LYPD6: variants seen among roughly 807,000 people sequenced by gnomAD.
The protein encoded by LYPD6 is ly6/PLAUR domain-containing protein 6.
LYPD6 carries 15 observed loss-of-function variants against 22.7 expected under a neutral mutation model. The observed-to-expected ratio is 0.66, with a 90% CI of 0.44 to 1.02. The LOEUF (loss-of-function observed/expected upper bound fraction) is 1.02, where lower values mean the gene tolerates loss of function less well. Ranked by LOEUF, LYPD6 falls within the 50% of genes least tolerant of loss-of-function variation. The probability of loss-of-function intolerance (pLI) is 0.00; values close to 1 mark genes in which losing one functional copy is unlikely to be tolerated. For synonymous variants in LYPD6, 72 were observed against 77.5 expected, an observed-to-expected ratio of 0.93 and a Z score of 0.37; for missense variants, 189 against 208.4, an observed-to-expected ratio of 0.91 and a Z score of 0.57.
intron 1 of LYPD6, among the ~76,000 whole-genome samples, chr2:149,422,449 A>G (rs1683101698): frequency 6.6e-6 from 1 of 152,132 alleles, no homozygotes; most frequent in Admixed American, 6.5e-5. Flanking sequence ...TCTGGAGCCC[A>G]GCACTTCATG....
At chr2:149,395,386 T>G (rs1001513608) in intron 1 of LYPD6, among the ~76,000 whole-genome samples, 5 of 152,208 alleles carry the variant, frequency 3.3e-5, no homozygotes, top group African/African-American at 1.2e-4. Flanking sequence ...ATATCCACAT[T>G]AAAAATTTTG....
intron 1 of LYPD6, among the ~76,000 whole-genome samples, chr2:149,336,943 G>A (rs984796971): frequency 8.6e-5 from 13 of 151,952 alleles, no homozygotes; most frequent in Non-Finnish European, 1.6e-4. Flanking sequence ...GTGTGTGTGT[G>A]TGTGTGTGTG....
At chr2:149,452,765 T>C (rs899194344) in intron 3 of LYPD6, among the ~76,000 whole-genome samples, 2 of 152,234 alleles carry the variant, frequency 1.3e-5, no homozygotes, top group Admixed American at 6.5e-5. Flanking sequence ...ATAGTGTATC[T>C]TAGCGACTGA....
At chr2:149,421,755 T>C (rs1317043075) in intron 1 of LYPD6, among the ~76,000 whole-genome samples, 1 of 152,194 alleles carries the variant, frequency 6.6e-6, no homozygotes, top group African/African-American at 2.4e-5. Flanking sequence ...ATATCAGTTT[T>C]CTGTCTGTAT....
intron 3 of LYPD6, among the ~76,000 whole-genome samples, chr2:149,449,357 G>A (rs1023748264): frequency 1.3e-5 from 2 of 152,190 alleles, no homozygotes; most frequent in Admixed American, 1.3e-4. Context: ...TTCTCATGAA[G>A]TATTTTTGGC....
chr2:149,460,504 G>A (rs1411578752), intron 3 of LYPD6, among the ~76,000 whole-genome samples: 2 of 151,884 alleles, frequency 1.3e-5, no homozygotes, highest in Non-Finnish European at 2.9e-5. Context: ...ATAATATAAA[G>A]GAAAGGAGGA....
At chr2:149,415,681 C>T (rs1285074647) in intron 1 of LYPD6, among the ~76,000 whole-genome samples, 2 of 151,842 alleles carry the variant, frequency 1.3e-5, no homozygotes, top group Non-Finnish European at 2.9e-5. Flanking sequence ...TTCTTTTTTT[C>T]TTGGAGACAG....
intron 1 of LYPD6, among the ~76,000 whole-genome samples, chr2:149,416,208 TCTC>T (rs749633617): frequency 5.9e-5 from 9 of 152,252 alleles, no homozygotes; most frequent in East Asian, 1.9e-4. Flanking sequence ...GTACTCATCT[TCTC>T]CTTCCTGAGC....
At chr2:149,342,831 A>G (rs1681187476) in intron 1 of LYPD6, among the ~76,000 whole-genome samples, 1 of 152,204 alleles carries the variant, frequency 6.6e-6, no homozygotes, top group Non-Finnish European at 1.5e-5. Context: ...CAGTCCTGAT[A>G]AATGACTCAG....
At chr2:149,425,970 G>T (rs1248683785) in intron 1 of LYPD6, among the ~76,000 whole-genome samples, 1 of 152,192 alleles carries the variant, frequency 6.6e-6, no homozygotes, top group Non-Finnish European at 1.5e-5. Context: ...CACAGATTTG[G>T]AGGATATGTA....
intron 1 of LYPD6, among the ~76,000 whole-genome samples, chr2:149,345,163 A>G (rs1231503131): frequency 3.3e-5 from 5 of 152,292 alleles, no homozygotes; most frequent in African/African-American, 1.2e-4. Context: ...ACTATTTTTC[A>G]TATACTTATT....
At chr2:149,364,631 CT>C (rs1158087279) in intron 1 of LYPD6, among the ~76,000 whole-genome samples, 13 of 151,594 alleles carry the variant, frequency 8.6e-5, no homozygotes. Context: ...GAGGGGCATC[CT>C]TTTGGATACA....
At chr2:149,445,309 A>T (rs1683663366) in intron 2 of LYPD6, among the ~76,000 whole-genome samples, 1 of 152,248 alleles carries the variant, frequency 6.6e-6, no homozygotes, top group Non-Finnish European at 1.5e-5. Flanking sequence ...TAAAGTCTCA[A>T]GGATTTTAAG....
chr2:149,337,443 T>G (rs1681057248), intron 1 of LYPD6, among the ~76,000 whole-genome samples: 1 of 152,098 alleles, frequency 6.6e-6, no homozygotes, highest in Non-Finnish European at 1.5e-5. Flanking sequence ...TATTCTCAAG[T>G]TTTGATCCAG....
chr2:149,464,565 A>G (rs1160678367), intron 3 of LYPD6: 2 of 154,804 alleles, frequency 1.3e-5, no homozygotes, highest in Non-Finnish European at 2.9e-5. Context: ...CAGTTACTCC[A>G]ATGCACTTGA....
intron 1 of LYPD6, among the ~76,000 whole-genome samples, chr2:149,342,064 C>T (rs1242098358): frequency 1.3e-5 from 2 of 152,168 alleles, no homozygotes; most frequent in East Asian, 3.9e-4. Context: ...AGAGACTCTA[C>T]TCTGCTGCTG....
At chr2:149,340,246 G>A (rs1200986260) in intron 1 of LYPD6, among the ~76,000 whole-genome samples, 2 of 152,110 alleles carry the variant, frequency 1.3e-5, no homozygotes, top group African/African-American at 2.4e-5. Context: ...TTAGTGCCTT[G>A]TAGTATAACA....
chr2:149,377,808 C>G (rs903610520), intron 1 of LYPD6, among the ~76,000 whole-genome samples: 3 of 119,566 alleles, frequency 2.5e-5, no homozygotes, highest in African/African-American at 9.6e-5. Flanking sequence ...CCCAAAAAAG[C>G]AAGGGAAACT....
chr2:149,381,592 T>C (rs907240238), intron 1 of LYPD6, among the ~76,000 whole-genome samples: 13 of 152,076 alleles, frequency 8.5e-5, no homozygotes, highest in African/African-American at 2.7e-4. Context: ...TGATAGAAAT[T>C]TGAAGATAGA....
Sources: allele counts gnomAD v4.1 joint callset (sites outside exome capture counted in the v4.1 genomes callset), GRCh38; gene constraint gnomAD v4.1.1; transcripts MANE v1.5; gene names NCBI Gene and HGNC (gene_info 2026-07-23, HGNC 2026-07-21).